CNOT1: variants seen among roughly 807,000 people sequenced by gnomAD.
The protein encoded by CNOT1 is CCR4-associated factor 1.
CNOT1 carries 15 observed loss-of-function variants against 273.8 expected under a neutral mutation model. The ratio of observed to expected loss-of-function variants is 0.05; its 90% confidence interval spans 0.04 to 0.08. The LOEUF is 0.08. Ranked by LOEUF, CNOT1 falls within the 10% of genes least tolerant of loss-of-function variation. The pLI, the probability that CNOT1 is intolerant of heterozygous loss-of-function variation, is 1.00. For synonymous variants in CNOT1, 1,022 were observed against 1,005.5 expected (o/e 1.02, Z -0.31); for missense variants, 1,644 against 2,912.2 (o/e 0.56, Z 10.02).
At chr16:58,543,100 A>AT (rs1275973481) in intron 31 of CNOT1, 24 of 1,258,410 alleles carry the variant, frequency 1.9e-5, no homozygotes, top group Non-Finnish European at 2.2e-5. Flanking sequence ...CTCATGAAAC[A>AT]TTAAAAAAAA....
At chr16:58,526,709 G>T (rs1414502939) in intron 44 of CNOT1, among the ~76,000 whole-genome samples, 1 of 151,642 alleles carries the variant, frequency 6.6e-6, no homozygotes, top group African/African-American at 2.4e-5. Context: ...CCAGCTGCTC[G>T]GGAGTCTGAG....
chr16:58,564,865 G>A (rs1380521016), intron 16 of CNOT1, among the ~76,000 whole-genome samples: 1 of 152,042 alleles, frequency 6.6e-6, no homozygotes, highest in Non-Finnish European at 1.5e-5. Context: ...GAACCTGGGA[G>A]GCAGATGTTG....
intron 1 of CNOT1, among the ~76,000 whole-genome samples, chr16:58,623,004 C>T (rs537755264): frequency 6.6e-6 from 1 of 152,128 alleles, no homozygotes; most frequent in Admixed American, 6.6e-5. Flanking sequence ...TCGAGACCAG[C>T]CTGACCAATA....
intron 34 of CNOT1, among the ~76,000 whole-genome samples, chr16:58,540,673 G>A (rs2040065868): frequency 6.6e-6 from 1 of 152,132 alleles, no homozygotes; most frequent in African/African-American, 2.4e-5. Context: ...ATGGAGTAAG[G>A]TTATTAGTAT....
At chr16:58,618,758 T>C (rs749727683) in intron 1 of CNOT1, among the ~76,000 whole-genome samples, 4 of 152,110 alleles carry the variant, frequency 2.6e-5, no homozygotes, top group Non-Finnish European at 4.4e-5. Flanking sequence ...ACATTACCTG[T>C]CTGACATGAA....
At chr16:58,576,725 C>G in intron 13 of CNOT1, 143 bp from the exon 14 acceptor site, 5 of 1,327,776 alleles carry the variant, frequency 3.8e-6, no homozygotes, top group Non-Finnish European at 5.0e-6. Context: ...TCAAACTATG[C>G]AATTACCGTG....
chr16:58,563,294 T>C (rs1180032486), intron 16 of CNOT1, among the ~76,000 whole-genome samples: 1 of 152,242 alleles, frequency 6.6e-6, no homozygotes, highest in Non-Finnish European at 1.5e-5. Context: ...ATATTCAGTA[T>C]AGTAACATCA....
At position 58,587,790 on chromosome 16, in the gene CNOT1, T is replaced by C. The variant is rs1375621432; in HGVS notation, c.299A>G (p.His100Arg). The change falls in exon 4 of 49, where the codon CAC (histidine) becomes CGC (arginine). Residue 100 changes from histidine (H) to arginine (R), a missense_variant. Physicochemically the swap from His to Arg is conservative, Grantham distance 29. Around this residue, in one of 13 missense-constraint regions of CNOT1, gnomAD observed 706 missense variants for 1,021.2 expected, o/e 0.69. Coordinates refer to ENST00000317147, the MANE Select transcript of CNOT1 (RefSeq NM_016284.5). ...AATAGTAATACCAACCTTCTGATAG[T>C]GCAATGGATTATCAATGGCATAGGA... ...TLSYAIDNPL[H>R]YQKSLKPAPH... is the part of the protein sequence containing the mutation. The C allele has an allele frequency of 6.2e-7, 1 of 1,613,694 alleles. No individual in the cohort carries two copies. The highest frequency in any genetic ancestry group is 8.5e-7 in the Non-Finnish European group (1 of 1,179,982).
chr16:58,522,946 T>TA (rs2039455915), intron 47 of CNOT1: 1 of 153,484 alleles, frequency 6.5e-6, no homozygotes, highest in African/African-American at 2.4e-5. Context: ...ATTGGACATG[T>TA]AAAAGATTTT....
At chr16:58,585,190 C>A in intron 8 of CNOT1, 148 bp downstream of exon 8, 1 of 1,121,390 alleles carries the variant, frequency 8.9e-7, no homozygotes. Flanking sequence ...CTGTCACACA[C>A]ACTAGTTCGT....
intron 17 of CNOT1, among the ~76,000 whole-genome samples, chr16:58,559,477 G>A (rs573808465): frequency 9.9e-5 from 15 of 151,516 alleles, no homozygotes; most frequent in Non-Finnish European, 1.6e-4. Context: ...AAATTTAGTC[G>A]AAATTTGGGG....
chr16:58,538,124 T>A, intron 37 of CNOT1, 34 bp downstream of exon 37: 1 of 1,610,852 alleles, frequency 6.2e-7, no homozygotes. Context: ...CTTCCCTGAG[T>A]CCTTTTGTCC....
At chr16:58,606,107 T>C (rs985008765) in intron 1 of CNOT1, among the ~76,000 whole-genome samples, 1 of 152,082 alleles carries the variant, frequency 6.6e-6, no homozygotes, top group African/African-American at 2.4e-5. Context: ...AATATGGTTA[T>C]GATAATATAA....
chr16:58,525,100 G>A (rs1430553770), intron 46 of CNOT1, 79 bp downstream of exon 46: 25 of 1,348,204 alleles, frequency 1.9e-5, no homozygotes, highest in Admixed American at 5.2e-5. Flanking sequence ...GTGGCTTGAA[G>A]CATTTTTACA....
chr16:58,586,538 C>G lies in CNOT1; in HGVS notation c.637+7G>C. The G allele has an allele frequency of 6.2e-7, 1 of 1,608,236 alleles. No individual in the cohort carries two copies. ...CCACCCACTGTAGGCTACAAAGACT[C>G]CCTTACCTCTGCGCAGCGTCTTAAG... is the stretch of plus-strand genomic sequence containing the variant. On this transcript the variant is annotated splice_region_variant and intron_variant, in intron 7 of 48. Transcript: ENST00000317147.
intron 47 of CNOT1, chr16:58,523,168 C>T: frequency 2.7e-6 from 1 of 373,550 alleles, no homozygotes; most frequent in Non-Finnish European, 4.7e-6. Flanking sequence ...TCGCTTGAAC[C>T]TGGGAGGCGG....
At position 58,626,406 on chromosome 16, in the gene CNOT1, C is replaced by CAA. The variant is rs34556623; in HGVS notation, c.-175+3320_-175+3321dup. On this transcript the variant is annotated intron_variant, in intron 1 of 48. Coordinates refer to ENST00000317147, the MANE Select transcript of CNOT1 (RefSeq NM_016284.5). ...TGGGCAACAGAGCGAGACTGCGTCT[C>CAA]AAAAAAAAAAAAAAAAAAAAAAAAA... Among the ~76,000 whole-genome samples, 268 of 60,900 alleles carry CAA rather than the reference C, an allele frequency of 4.4e-3. 3 individuals carry two copies. Among genetic ancestry groups the CAA allele is most frequent in the East Asian group, 0.027 (52 of 1,900 alleles). The allele number at this position is 60,900 out of a possible 152,430, so 40.0% of individuals were successfully genotyped here.
chr16:58,539,624 G>GA lies in CNOT1; in HGVS notation c.4992+143dup, dbSNP rs35234309. ...ACTGCCATGACTACATTCTACGTTGGAAAAAAAAAAAATCACCTACTTACA... is the reference window on the plus strand; with the variant it reads ...ACTGCCATGACTACATTCTACGTTGGAAAAAAAAAAAAATCACCTACTTACA... On this transcript the variant is annotated intron_variant, in intron 35 of 48. Transcript: ENST00000317147. 0.42 allele frequency: 278,755 copies of GA among 670,306 alleles called. 31,591 individuals are homozygous for GA. Among genetic ancestry groups the GA allele is most frequent in the African/African-American group, 0.67 (35,004 of 52,588 alleles). The allele number at this position is 670,306 out of a possible 1,614,324, so 41.5% of individuals were successfully genotyped here. A position where few individuals can be genotyped will look rare whatever the true frequency, so the allele number is the denominator to read the frequency against.
intron 1 of CNOT1, among the ~76,000 whole-genome samples, chr16:58,609,852 TATATC>T (rs991147652): frequency 8.7e-5 from 13 of 150,090 alleles, no homozygotes; most frequent in Admixed American, 2.7e-4. Context: ...GATATATATA[TATATC>T]ATATTATATA....
Sources: allele counts gnomAD v4.1 joint callset (sites outside exome capture counted in the v4.1 genomes callset), GRCh38; gene constraint gnomAD v4.1.1; regional missense constraint gnomAD v4.1.1; transcripts MANE v1.5; gene names NCBI Gene and HGNC (gene_info 2026-07-23, HGNC 2026-07-21).